The following NPHP4 variants were observed in gnomAD, a reference collection of about 807,000 sequenced individuals.
NPHP4 encodes the protein nephrocystin 4.
A neutral mutation model predicts 155.8 loss-of-function variants in NPHP4; 151 were observed. The observed-to-expected ratio is 0.97, with a 90% confidence interval of 0.85 to 1.11. The LOEUF (loss-of-function observed/expected upper bound fraction) is 1.11. NPHP4 is among the 50% of genes least tolerant of loss of function. The pLI is 0.00. For missense variants in NPHP4, 1,956 were observed against 1,925.7 expected (o/e 1.02, Z -0.29); for synonymous variants, 845 against 816.8 (o/e 1.03, Z -0.59).
intron 11 of NPHP4, among the ~76,000 whole-genome samples, chr1:5,919,073 C>T (rs1246821522): frequency 5.3e-5 from 8 of 152,212 alleles, no homozygotes; most frequent in African/African-American, 9.7e-5. Context: ...AACACAGCCA[C>T]GTCCATTCAT....
chr1:5,907,404 T>C (rs1644963371), intron 12 of NPHP4, among the ~76,000 whole-genome samples, 182 bp from the exon 13 acceptor site: 1 of 152,226 alleles, frequency 6.6e-6, no homozygotes, highest in Non-Finnish European at 1.5e-5. Context: ...CTCAAGTTCC[T>C]TTATTTAATG....
chr1:5,903,153 T>A (rs1644755669), intron 16 of NPHP4, among the ~76,000 whole-genome samples: 1 of 152,268 alleles, frequency 6.6e-6, no homozygotes. Context: ...AACTTGTTTC[T>A]GTTTGATCAA....
intron 11 of NPHP4, among the ~76,000 whole-genome samples, chr1:5,911,871 C>T (rs747692121): frequency 1.3e-5 from 2 of 152,210 alleles, no homozygotes; most frequent in African/African-American, 4.8e-5. Flanking sequence ...GAGGACAGCG[C>T]GGCCGCCAGG....
chr1:5,939,798 G>A (rs561586667), intron 9 of NPHP4, among the ~76,000 whole-genome samples: 46 of 152,324 alleles, frequency 3.0e-4, no homozygotes, highest in Non-Finnish European at 5.9e-4. Flanking sequence ...CTGTGAGACC[G>A]CGTTGTCTAT....
chr1:5,948,708 G>A (rs1286211283), intron 7 of NPHP4, among the ~76,000 whole-genome samples: 1 of 152,084 alleles, frequency 6.6e-6, no homozygotes, highest in Non-Finnish European at 1.5e-5. Flanking sequence ...ACGATGGAGA[G>A]GTGCTCAGAG....
intron 16 of NPHP4, among the ~76,000 whole-genome samples, chr1:5,891,900 G>A (rs1644147890): frequency 6.6e-6 from 1 of 152,204 alleles, no homozygotes; most frequent in South Asian, 2.1e-4. Context: ...CAAGACCAGA[G>A]GACAAGGAGT....
chr1:5,962,627 T>A (rs1330514972), intron 5 of NPHP4, among the ~76,000 whole-genome samples: 1 of 151,752 alleles, frequency 6.6e-6, no homozygotes. Context: ...TTTCCTGGAG[T>A]GATGGCTAAG....
rs1213099025 is a variant in NPHP4 at position 5,910,444 on chromosome 1, G to A, written c.1442-1231C>T. 3.3e-5 allele frequency among the ~76,000 whole-genome samples: 5 copies of A among 152,110 alleles called. No individual in the cohort carries two copies. Among genetic ancestry groups the A allele is most frequent in the Non-Finnish European group, 5.9e-5 (4 of 68,022 alleles). ...TCACCCCCATGTGGCCCACATCTTG[G>A]GCCCAGCAGCTCGCCTTCCCTCCCT... On this transcript the variant is annotated intron_variant, in intron 11 of 29. Coordinates refer to ENST00000378156, the MANE Select transcript of NPHP4 (RefSeq NM_015102.5). This position sits in a 1 kb window ranked among gnomAD's most constrained non-coding sequence, Gnocchi z 5.4.
intron 28 of NPHP4, 29 bp from the exon 29 acceptor site, chr1:5,864,062 G>A: frequency 1.2e-6 from 2 of 1,608,796 alleles, no homozygotes; most frequent in Non-Finnish European, 1.7e-6. Flanking sequence ...GGGAGACGCT[G>A]CGGCCACTCA....
chr1:5,963,743 A>G (rs1290719886), intron 5 of NPHP4, among the ~76,000 whole-genome samples: 1 of 146,100 alleles, frequency 6.8e-6, no homozygotes, highest in Non-Finnish European at 1.5e-5. Context: ...GCTGCAGTGC[A>G]GTGGCATGAT....
At chr1:5,874,760 G>C (rs557300678) in intron 21 of NPHP4, 103 bp from the exon 22 acceptor site, 10 of 1,519,042 alleles carry the variant, frequency 6.6e-6, no homozygotes, top group Non-Finnish European at 9.0e-6. Flanking sequence ...GAGTGGGAGA[G>C]AGAAGTCAAA....
intron 12 of NPHP4, among the ~76,000 whole-genome samples, chr1:5,907,620 C>T (rs555204337): frequency 6.6e-5 from 10 of 152,330 alleles, no homozygotes; most frequent in Admixed American, 4.6e-4. Flanking sequence ...AACAAACCTC[C>T]CTGTTAAGGC....
intron 16 of NPHP4, among the ~76,000 whole-genome samples, chr1:5,899,733 C>G (rs1165656677): frequency 2.0e-5 from 3 of 152,096 alleles, no homozygotes; most frequent in Non-Finnish European, 4.4e-5. Flanking sequence ...ATGCACAATC[C>G]ATGAGAGAAA....
At chr1:5,977,322 C>G (rs1395633209) in intron 3 of NPHP4, among the ~76,000 whole-genome samples, 1 of 152,134 alleles carries the variant, frequency 6.6e-6, no homozygotes, top group African/African-American at 2.4e-5. Context: ...ACCCCTGGGT[C>G]TCCCTGCTCT....
At position 5,905,346 on chromosome 1, in the gene NPHP4, T is replaced by C. The variant is rs901635261; in HGVS notation, c.1901A>G (p.Glu634Gly). 6.2e-7 allele frequency: 1 copy of C among 1,613,858 alleles called. No homozygotes were observed. Among genetic ancestry groups the C allele is most frequent in the African/African-American group, 1.3e-5 (1 of 74,924 alleles). ...EPVTFNPQKEESDCLQSNEMV... is the reference protein window; with the variant it reads ...EPVTFNPQKEGSDCLQSNEMV... ...CTCGTTGCTTTGTAGACAATCTGATTCTTCCTTCTGAGGGTTAAACGTCAC... is the reference window on the plus strand; with the variant it reads ...CTCGTTGCTTTGTAGACAATCTGATCCTTCCTTCTGAGGGTTAAACGTCAC... The change falls in exon 15 of 30, where the codon GAA becomes GGA. Residue 634 changes from glutamate to glycine, a missense_variant. Transcript: ENST00000378156. The surrounding 1 kb of genome is among the most constrained non-coding windows in gnomAD (Gnocchi z 4.0).
intron 16 of NPHP4, among the ~76,000 whole-genome samples, chr1:5,899,265 C>A (rs972897828): frequency 1.3e-5 from 2 of 152,166 alleles, no homozygotes; most frequent in Non-Finnish European, 2.9e-5. Flanking sequence ...GAACCCATTC[C>A]AACGCCTGTT....
intron 18 of NPHP4, chr1:5,881,499 T>A (rs1275147058): frequency 6.6e-6 from 1 of 152,238 alleles, no homozygotes; most frequent in Non-Finnish European, 1.5e-5. Context: ...GAAAGCCAGA[T>A]ACTGAATCGC....
At chr1:5,928,657 TAATTA>T (rs2101683915) in intron 10 of NPHP4, among the ~76,000 whole-genome samples, 1 of 152,344 alleles carries the variant, frequency 6.6e-6, no homozygotes, top group African/African-American at 2.4e-5. Context: ...TCCTTGATAC[TAATTA>T]TATTAATCAG....
At chr1:5,969,041 A>AT in intron 4 of NPHP4, 46 bp downstream of exon 4, 2 of 1,222,498 alleles carry the variant, frequency 1.6e-6, no homozygotes, top group Non-Finnish European at 2.3e-6. Flanking sequence ...AAAAAAAAAA[A>AT]GACAGACGCT....
Sources: gnomAD v4.1 joint callset for allele counts (sites outside exome capture counted in the v4.1 genomes callset) on GRCh38, gnomAD v4.1.1 for gene constraint, Gnocchi (gnomAD v3.1) non-coding constraint, MANE v1.5 for transcripts, NCBI Gene and HGNC (gene_info 2026-07-23, HGNC 2026-07-21) for gene names.